The following BCO1 variants were observed in gnomAD, a reference collection of about 807,000 sequenced individuals.
BCO1 encodes the protein beta,beta-carotene 15,15'-dioxygenase.
BCO1 carries 54 observed loss-of-function variants against 56.3 expected under a neutral mutation model. The ratio of observed to expected loss-of-function variants is 0.96; its 90% CI spans 0.77 to 1.20. The LOEUF is 1.20. Ranked by LOEUF, BCO1 falls within the 50% of genes most tolerant of loss-of-function variation. The pLI, the probability that BCO1 is intolerant of heterozygous loss-of-function variation, is 0.00. For synonymous variants in BCO1, 318 were observed against 266.1 expected (o/e 1.20, Z -1.90); for missense variants, 801 against 690.9 (o/e 1.16, Z -1.79).
At chr16:81,247,021 C>T (rs1202179887) in intron 2 of BCO1, among the ~76,000 whole-genome samples, 1 of 152,084 alleles carries the variant, frequency 6.6e-6, no homozygotes, top group East Asian at 1.9e-4. Flanking sequence ...ATTCTGAGTT[C>T]AGGTGTCTGG....
intron 10 of BCO1, 27 bp from the exon 11 acceptor site, chr16:81,290,321 A>C: frequency 6.3e-7 from 1 of 1,579,368 alleles, no homozygotes; most frequent in Non-Finnish European, 8.7e-7. Flanking sequence ...CACTTTTACG[A>C]AGTGTTTTTT....
At chr16:81,285,325 C>A (rs189001547) in intron 8 of BCO1, among the ~76,000 whole-genome samples, 12 of 152,320 alleles carry the variant, frequency 7.9e-5, no homozygotes, top group African/African-American at 2.6e-4. Flanking sequence ...GAGTACCTTG[C>A]TCCTGGACTC....
chr16:81,267,482 G>A (rs1023395074), intron 5 of BCO1, among the ~76,000 whole-genome samples: 5 of 152,184 alleles, frequency 3.3e-5, no homozygotes, highest in South Asian at 2.1e-4. Flanking sequence ...GCATGGTGGC[G>A]TGAGCCTATT....
intron 8 of BCO1, among the ~76,000 whole-genome samples, chr16:81,281,328 C>T (rs934828652): frequency 6.6e-6 from 1 of 152,132 alleles, no homozygotes; most frequent in African/African-American, 2.4e-5. Context: ...TGCCTGTGGT[C>T]CCAGCTACTC....
chr16:81,263,663 A>G lies in BCO1; in HGVS notation c.472-977A>G, dbSNP rs1323836575. The G allele has an allele frequency of 2.0e-5, 3 of 152,308 alleles. No individual in the cohort carries two copies. The East Asian group carries it at 5.8e-4, about 29-fold the overall frequency. The allele number at this position is 152,308 out of a possible 1,614,324, so 9.4% of individuals were successfully genotyped here. A position where few individuals can be genotyped will look rare whatever the true frequency, so the allele number is the denominator to read the frequency against. On this transcript the variant is annotated intron_variant, in intron 4 of 10. Transcript: ENST00000258168. ...GCGATTCTCAGCAATCCTACCTTCT[A>G]TTGACCTGAAGAGGGAGGCATTAGG...
At chr16:81,262,040 A>G (rs1906517733) in intron 3 of BCO1, 96 bp from the exon 4 acceptor site, 1 of 1,476,664 alleles carries the variant, frequency 6.8e-7, no homozygotes, top group Non-Finnish European at 9.4e-7. Context: ...GAAGTAAAGC[A>G]TTTTTAAGTG....
rs765945610 is a variant in BCO1 at position 81,264,631 on chromosome 16, A to AT, written c.472-8dup. 11 of 1,613,962 alleles carry AT rather than the reference A, an allele frequency of 6.8e-6. No individual in the cohort carries two copies. The East Asian group carries it at 2.5e-4, about 36-fold the overall frequency. On this transcript the variant is annotated splice_polypyrimidine_tract_variant and intron_variant, in intron 4 of 10. Coordinates refer to ENST00000258168, the MANE Select transcript of BCO1 (RefSeq NM_017429.3). ...TACTTTAAAAAACAGGAGGTGTCATATCTTGCAGGTTGATTATCGTAAATA... is the reference window on the plus strand; with the variant it reads ...TACTTTAAAAAACAGGAGGTGTCATATTCTTGCAGGTTGATTATCGTAAATA...
chr16:81,253,255 C>G (rs1023934599), intron 2 of BCO1, among the ~76,000 whole-genome samples: 1 of 152,134 alleles, frequency 6.6e-6, no homozygotes, highest in Non-Finnish European at 1.5e-5. Flanking sequence ...AACCTAGAGC[C>G]GAAGCCTTGA....
At chr16:81,260,286 C>G (rs1270717626) in intron 3 of BCO1, among the ~76,000 whole-genome samples, 1 of 146,752 alleles carries the variant, frequency 6.8e-6, no homozygotes, top group African/African-American at 2.5e-5. Context: ...TCTACAGAAG[C>G]TTTTCCAAGA....
chr16:81,282,642 C>T (rs1345912412), intron 8 of BCO1, among the ~76,000 whole-genome samples: 1 of 151,912 alleles, frequency 6.6e-6, no homozygotes, highest in Non-Finnish European at 1.5e-5. Flanking sequence ...CATCAACCCC[C>T]AACCCCCATC....
At chr16:81,265,840 CCCACCATCTAT>C (rs1906788143) in intron 5 of BCO1, among the ~76,000 whole-genome samples, 2 of 98,958 alleles carry the variant, frequency 2.0e-5, no homozygotes, top group African/African-American at 4.2e-5. Flanking sequence ...CATCCATCTA[CCCACCATCTAT>C]ACACCCACCA....
intron 8 of BCO1, among the ~76,000 whole-genome samples, chr16:81,281,399 T>C (rs1393479576): frequency 1.3e-5 from 2 of 152,138 alleles, no homozygotes; most frequent in Admixed American, 6.5e-5. Context: ...TGAGTTGAGA[T>C]TGTGCTATTG....
At chr16:81,288,902 A>G (rs2150651436) in intron 10 of BCO1, among the ~76,000 whole-genome samples, 1 of 152,104 alleles carries the variant, frequency 6.6e-6, no homozygotes, top group East Asian at 1.9e-4. Flanking sequence ...TTGTCTTCCT[A>G]CTGATCATGG....
chr16:81,249,826 A>G (rs1447723553), intron 2 of BCO1, among the ~76,000 whole-genome samples: 1 of 152,156 alleles, frequency 6.6e-6, no homozygotes, highest in Non-Finnish European at 1.5e-5. Context: ...TTCATGCCCC[A>G]TTCTGCTTGG....
intron 5 of BCO1, among the ~76,000 whole-genome samples, chr16:81,266,129 A>G (rs1417518974): frequency 2.0e-5 from 3 of 152,208 alleles, no homozygotes; most frequent in Non-Finnish European, 4.4e-5. Flanking sequence ...TAGCCCCTGC[A>G]GCCAAGTTTC....
intron 2 of BCO1, among the ~76,000 whole-genome samples, chr16:81,249,800 G>C (rs148574471): frequency 4.7e-4 from 71 of 152,316 alleles, no homozygotes; most frequent in Admixed American, 7.2e-4. Flanking sequence ...CTTAGACCTA[G>C]GCCAGCGTCT....
intron 1 of BCO1, among the ~76,000 whole-genome samples, chr16:81,240,556 T>C (rs1905064430): frequency 1.3e-5 from 2 of 151,914 alleles, no homozygotes; most frequent in Admixed American, 6.6e-5. Flanking sequence ...AATACACAAA[T>C]TAGCCAGGGG....
intron 6 of BCO1, among the ~76,000 whole-genome samples, chr16:81,269,568 A>G (rs1907056798): frequency 6.6e-6 from 1 of 152,112 alleles, no homozygotes. Flanking sequence ...CCTGGGTTCA[A>G]GCGATTCTCC....
intron 2 of BCO1, among the ~76,000 whole-genome samples, chr16:81,258,549 G>C (rs1353185531): frequency 6.6e-6 from 1 of 152,180 alleles, no homozygotes; most frequent in South Asian, 2.1e-4. Context: ...CACATATGCA[G>C]CCTTCTAGAT....
Sources: gnomAD v4.1 joint callset for allele counts (sites outside exome capture counted in the v4.1 genomes callset) on GRCh38, gnomAD v4.1.1 for gene constraint, MANE v1.5 for transcripts, NCBI Gene and HGNC (gene_info 2026-07-23, HGNC 2026-07-21) for gene names.